TCF25: variants seen among roughly 807,000 people sequenced by gnomAD.
TCF25 encodes the protein TCF25 ribosome quality control complex subunit, also known as ribosome quality control complex subunit TCF25.
A neutral mutation model predicts 83.1 loss-of-function variants in TCF25; 41 were observed. The observed-to-expected ratio is 0.49, with a 90% CI of 0.38 to 0.64. The LOEUF is 0.64. Among genes scored for constraint, TCF25 ranks in the 30% least tolerant of loss-of-function variants. TCF25 has a pLI of 0.00. For missense variants in TCF25, 979 were observed against 914.5 expected, an observed-to-expected ratio of 1.07 and a Z score of -0.91; for synonymous variants, 458 against 365.0, an observed-to-expected ratio of 1.25 and a Z score of -2.90.
At chr16:89,882,096 T>C (rs2042653908) in intron 1 of TCF25, among the ~76,000 whole-genome samples, 1 of 152,194 alleles carries the variant, frequency 6.6e-6, no homozygotes, top group Admixed American at 6.5e-5. Flanking sequence ...TTCCTGTTCT[T>C]ACCCTTCTCC....
chr16:89,883,198 C>T (rs757216064), intron 1 of TCF25, among the ~76,000 whole-genome samples, 153 bp from the exon 2 acceptor site: 1 of 152,210 alleles, frequency 6.6e-6, no homozygotes, highest in African/African-American at 2.4e-5. Flanking sequence ...CTGTGTCCAA[C>T]AGTCTCGGGT....
intron 8 of TCF25, 122 bp from the exon 9 acceptor site, chr16:89,895,868 G>A (rs751313698): frequency 1.2e-6 from 1 of 823,954 alleles, no homozygotes. Context: ...CCCTCTCAGT[G>A]TCCAGGACTC....
chr16:89,901,199 G>A (rs1000513403), intron 12 of TCF25, among the ~76,000 whole-genome samples: 5 of 152,360 alleles, frequency 3.3e-5, no homozygotes, highest in East Asian at 1.9e-4. Flanking sequence ...GGCCTGTGCC[G>A]CCCAGATGGA....
intron 5 of TCF25, among the ~76,000 whole-genome samples, chr16:89,890,903 A>G (rs572540544): frequency 3.7e-4 from 56 of 152,268 alleles, no homozygotes; most frequent in African/African-American, 1.3e-3. Context: ...CAAAAGACTT[A>G]CATGGAGAAG....
intron 5 of TCF25, among the ~76,000 whole-genome samples, chr16:89,888,603 G>T (rs1396467266): frequency 6.7e-6 from 1 of 149,944 alleles, no homozygotes; most frequent in Non-Finnish European, 1.5e-5. Flanking sequence ...AAAAAAAAAA[G>T]ATTCTAGTTT....
chr16:89,884,941 G>GC (rs1382921431), intron 3 of TCF25, among the ~76,000 whole-genome samples: 1 of 75,170 alleles, frequency 1.3e-5, no homozygotes, highest in Non-Finnish European at 2.3e-5. Context: ...TCTGCCTGAC[G>GC]CCCTCTCCCT....
At chr16:89,904,504 T>C (rs966144738) in intron 13 of TCF25, 16 of 510,304 alleles carry the variant, frequency 3.1e-5, no homozygotes, top group Non-Finnish European at 3.9e-5. Flanking sequence ...GGCTTGTGCC[T>C]GGGAGGTCAA....
intron 4 of TCF25, among the ~76,000 whole-genome samples, chr16:89,886,944 C>T (rs991926793): frequency 2.6e-5 from 4 of 151,816 alleles, no homozygotes; most frequent in African/African-American, 7.3e-5. Context: ...CTCTGTCTCC[C>T]GACAAAAGGA....
At chr16:89,907,014 C>T (rs944297323) in intron 15 of TCF25, among the ~76,000 whole-genome samples, 8 of 152,050 alleles carry the variant, frequency 5.3e-5, no homozygotes, top group Non-Finnish European at 8.8e-5. Flanking sequence ...GGGCAGACGC[C>T]GTGCAGGTTC....
intron 14 of TCF25, among the ~76,000 whole-genome samples, chr16:89,905,321 T>G (rs2044685755): frequency 6.6e-6 from 1 of 152,144 alleles, no homozygotes; most frequent in African/African-American, 2.4e-5. Context: ...GAGCTGCTGT[T>G]CCCGGGTGCC....
chr16:89,911,239 G>C lies in TCF25; in HGVS notation c.*1G>C, dbSNP rs774191988. ...TGAGGGGGAGGGGGAGTGGGACTGAGCGTCCGCAGAGGTGACCGAAAAGCC... is the reference window on the plus strand; with the variant it reads ...TGAGGGGGAGGGGGAGTGGGACTGACCGTCCGCAGAGGTGACCGAAAAGCC... On this transcript the variant is annotated 3_prime_UTR_variant, in exon 18 of 18. Transcript: ENST00000263346. 1.2e-6 allele frequency: 2 copies of C among 1,612,412 alleles called. No homozygotes were observed. The highest frequency in any genetic ancestry group is 3.3e-5 in the Admixed American group (2 of 60,030).
intron 6 of TCF25, among the ~76,000 whole-genome samples, chr16:89,893,456 G>A (rs928798512): frequency 2.6e-5 from 4 of 152,190 alleles, no homozygotes; most frequent in Admixed American, 2.6e-4. Context: ...TTCCCTCCAG[G>A]CCAGTGGGGC....
intron 14 of TCF25, 130 bp downstream of exon 14, chr16:89,905,226 T>C: frequency 7.7e-7 from 1 of 1,294,546 alleles, no homozygotes; most frequent in Middle Eastern, 2.8e-4. Context: ...GTGGGGCCTG[T>C]GTGGAGCCTA....
Position 89,878,521 on chromosome 16 carries a change from T to C in TCF25, c.192+4662T>C, listed in dbSNP as rs537741462. 103 of 1,240,176 alleles carry C rather than the reference T, an allele frequency of 8.3e-5. No individual in the cohort carries two copies. The South Asian group carries it at 1.4e-3, about 16-fold the overall frequency. 76.8% of individuals were successfully genotyped at this position (1,240,176 alleles called of 1,614,324 possible). ...ATAAAACTCCTTCCTGGTTATTAAC[T>C]GAAATGCTGATCGAGCTTTATCCTA... On this transcript the variant is annotated intron_variant, in intron 1 of 17. Transcript: ENST00000263346.
intron 1 of TCF25, among the ~76,000 whole-genome samples, chr16:89,876,821 C>G (rs1167841214): frequency 1.3e-5 from 2 of 151,332 alleles, no homozygotes; most frequent in Admixed American, 6.6e-5. Context: ...CCCAGCTACT[C>G]AGGAGGCTGA....
intron 2 of TCF25, 121 bp from the exon 3 acceptor site, chr16:89,884,461 G>C: frequency 2.1e-6 from 2 of 951,314 alleles, no homozygotes; most frequent in Non-Finnish European, 3.2e-6. Flanking sequence ...AGGAACTTTT[G>C]GGACACGGAG....
intron 6 of TCF25, among the ~76,000 whole-genome samples, chr16:89,893,465 GC>G (rs2043585510): frequency 6.6e-6 from 1 of 152,216 alleles, no homozygotes; most frequent in Non-Finnish European, 1.5e-5. Flanking sequence ...GGCCAGTGGG[GC>G]TAGAGCTGTA....
rs1164528945 is a variant in TCF25, at chr16:89,875,820, CTTTTTTTTTTTTTT to C, written c.192+1976_192+1989del. Among the ~76,000 whole-genome samples, 408 of 64,868 alleles carry C rather than the reference CTTTTTTTTTTTTTT, an allele frequency of 6.3e-3. 9 individuals are homozygous for C. The highest frequency in any genetic ancestry group is 0.022 in the African/African-American group (389 of 17,548). The allele number at this position is 64,868 out of a possible 152,430, so 42.6% of individuals were successfully genotyped here. A position where few individuals can be genotyped will look rare whatever the true frequency, so the allele number is the denominator to read the frequency against. On this transcript the variant is annotated intron_variant, in intron 1 of 17. Coordinates refer to ENST00000263346, the MANE Select transcript of TCF25 (RefSeq NM_014972.3). The stretch of plus-strand genomic sequence containing the variant: ...TACAGGCGTGAGCCACTGCGCCTGG[CTTTTTTTTTTTTTT>C]TTTTTTTTTTTTTTGGTTACAGACA...
chr16:89,883,197 A>G (rs753706674), intron 1 of TCF25, among the ~76,000 whole-genome samples, 154 bp from the exon 2 acceptor site: 2 of 152,144 alleles, frequency 1.3e-5, no homozygotes, highest in African/African-American at 4.8e-5. Flanking sequence ...GCTGTGTCCA[A>G]CAGTCTCGGG....
Sources: allele counts gnomAD v4.1 joint callset (sites outside exome capture counted in the v4.1 genomes callset), GRCh38; gene constraint gnomAD v4.1.1; transcripts MANE v1.5; gene names NCBI Gene and HGNC (gene_info 2026-07-23, HGNC 2026-07-21).